ZNF506: variants seen among roughly 807,000 people sequenced by gnomAD.
ZNF506 encodes zinc finger protein 506.
A neutral mutation model predicts 11.6 loss-of-function variants in ZNF506; 10 were observed. The ratio of observed to expected loss-of-function variants is 0.86; its 90% CI spans 0.53 to 1.46. The LOEUF is 1.46. Ranked by LOEUF, ZNF506 falls within the 40% of genes most tolerant of loss-of-function variation. ZNF506 has a pLI of 0.00. For synonymous variants in ZNF506, 156 were observed against 173.3 expected (o/e 0.90, Z 0.78); for missense variants, 425 against 521.2 (o/e 0.82, Z 1.80).
At chr19:19,813,323 C>CAT (rs2062898180) in intron 1 of ZNF506, among the ~76,000 whole-genome samples, 2 of 152,034 alleles carry the variant, frequency 1.3e-5, no homozygotes, top group African/African-American at 2.4e-5. Flanking sequence ...TTTTAATGAA[C>CAT]TAGTCATAAT....
rs1270118981 is a variant in ZNF506 at position 19,794,319 on chromosome 19, A to G, written c.*233T>C. The G allele has an allele frequency of 1.8e-5, 7 of 386,048 alleles. No individual in the cohort carries two copies. The highest frequency in any genetic ancestry group is 4.3e-5 in the Admixed American group (1 of 23,520). 23.9% of individuals were successfully genotyped at this position (386,048 alleles called of 1,614,324 possible). On this transcript the variant is annotated 3_prime_UTR_variant, in exon 4 of 4. Coordinates refer to ENST00000540806, the MANE Select transcript of ZNF506 (RefSeq NM_001099269.3). Reference sequence around the variant, plus strand: ...GAGTGAAACTCCATCTCAAAAAACAAAAAGAGTTGACAGGTTGTTATAGGC... The same window carrying G: ...GAGTGAAACTCCATCTCAAAAAACAGAAAGAGTTGACAGGTTGTTATAGGC...
chr19:19,799,121 AAAC>A (rs2062769777), intron 3 of ZNF506: 1 of 215,638 alleles, frequency 4.6e-6, no homozygotes, highest in Non-Finnish European at 9.1e-6. Flanking sequence ...GAAGGACATT[AAAC>A]AATATATAGA....
chr19:19,797,873 T>C (rs1444332906), intron 3 of ZNF506: 1 of 152,156 alleles, frequency 6.6e-6, no homozygotes, highest in Non-Finnish European at 1.5e-5. Context: ...AAAAAAGATG[T>C]CAAGTGGGAA....
At chr19:19,807,510 TATTTA>T (rs1179774955) in intron 1 of ZNF506, among the ~76,000 whole-genome samples, 1 of 152,110 alleles carries the variant, frequency 6.6e-6, no homozygotes, top group African/African-American at 2.4e-5. Context: ...CTTTCTTATT[TATTTA>T]TTTATTTATA....
At chr19:19,804,784 G>T (rs1179344303) in intron 3 of ZNF506, among the ~76,000 whole-genome samples, 1 of 152,102 alleles carries the variant, frequency 6.6e-6, no homozygotes, top group Non-Finnish European at 1.5e-5. Context: ...TCCTTTGCAG[G>T]GACATGGATG....
intron 1 of ZNF506, among the ~76,000 whole-genome samples, chr19:19,816,194 T>TC (rs965729682): frequency 2.6e-5 from 4 of 151,876 alleles, no homozygotes; most frequent in African/African-American, 4.8e-5. Context: ...TCTTTTCTTT[T>TC]TTTTTTTGAG....
At chr19:19,812,550 C>T (rs2062891243) in intron 1 of ZNF506, among the ~76,000 whole-genome samples, 1 of 152,222 alleles carries the variant, frequency 6.6e-6, no homozygotes, top group Admixed American at 6.5e-5. Flanking sequence ...CATTCTATTT[C>T]CTCCTGGAGC....
chr19:19,816,907 C>A (rs978405398), intron 1 of ZNF506, among the ~76,000 whole-genome samples: 4 of 148,922 alleles, frequency 2.7e-5, no homozygotes, highest in African/African-American at 9.9e-5. Context: ...GCAACCTCCA[C>A]CTCCCAGTGG....
chr19:19,806,694 A>G (rs1269210725), intron 2 of ZNF506, among the ~76,000 whole-genome samples: 1 of 97,082 alleles, frequency 1.0e-5, no homozygotes, highest in Admixed American at 1.0e-4. Context: ...TATGCCACTA[A>G]ATTTTTGGAA....
chr19:19,792,912 C>A lies in ZNF506; in HGVS notation c.*1640G>T, dbSNP rs1286348145. ...CTTAATATAAGTTAACTACAAAGAG[C>A]CTCTCCACTTACATTTTTATCATGC... On this transcript the variant is annotated 3_prime_UTR_variant, in exon 4 of 4. Coordinates refer to ENST00000540806, the MANE Select transcript of ZNF506 (RefSeq NM_001099269.3). Among the ~76,000 whole-genome samples, 1 of 152,048 alleles carries A rather than the reference C, an allele frequency of 6.6e-6. No individual in the cohort carries two copies. The highest frequency in any genetic ancestry group is 2.4e-5 in the African/African-American group (1 of 41,342).
intron 1 of ZNF506, among the ~76,000 whole-genome samples, chr19:19,807,631 C>G (rs1488278868): frequency 1.3e-5 from 2 of 152,068 alleles, no homozygotes; most frequent in African/African-American, 4.8e-5. Context: ...CTCAGCCTCC[C>G]GAGTAGCTGG....
chr19:19,808,369 C>T (rs1382248241), intron 1 of ZNF506, among the ~76,000 whole-genome samples: 5 of 148,744 alleles, frequency 3.4e-5, no homozygotes, highest in African/African-American at 1.2e-4. Context: ...GTGATCCGCC[C>T]GCCTCGGCCT....
chr19:19,800,393 T>C (rs1467741859), intron 3 of ZNF506, among the ~76,000 whole-genome samples: 1 of 9,208 alleles, frequency 1.1e-4, no homozygotes, highest in Non-Finnish European at 2.5e-4. Context: ...CTAAACAGAA[T>C]ATATATATAT....
chr19:19,805,511 A>G (rs904762615), intron 3 of ZNF506, among the ~76,000 whole-genome samples: 2 of 152,150 alleles, frequency 1.3e-5, no homozygotes, highest in African/African-American at 4.8e-5. Flanking sequence ...CAAAGCAATC[A>G]TGAGGAAAAA....
intron 2 of ZNF506, 56 bp downstream of exon 2, chr19:19,806,886 A>G (rs1457904397): frequency 1.6e-5 from 25 of 1,561,340 alleles, no homozygotes; most frequent in Non-Finnish European, 2.2e-5. Flanking sequence ...TCTACAAAAA[A>G]GAGAAATAAA....
intron 3 of ZNF506, chr19:19,796,323 T>C (rs1158272090): frequency 1.3e-5 from 2 of 152,194 alleles, no homozygotes; most frequent in Non-Finnish European, 2.9e-5. Flanking sequence ...CCTGGTTTCT[T>C]TTTTAAAAAA....
At chr19:19,802,231 A>T (rs963047954) in intron 3 of ZNF506, among the ~76,000 whole-genome samples, 1 of 151,244 alleles carries the variant, frequency 6.6e-6, no homozygotes, top group African/African-American at 2.4e-5. Context: ...AAAATTGTCT[A>T]CGTAACTGCA....
intron 3 of ZNF506, among the ~76,000 whole-genome samples, chr19:19,800,458 C>T (rs573152334): frequency 5.3e-4 from 76 of 144,366 alleles, no homozygotes; most frequent in African/African-American, 1.7e-3. Context: ...ACTCTGTCTC[C>T]GAGGCCGGAG....
chr19:19,819,191 T>C (rs908953156), intron 1 of ZNF506, among the ~76,000 whole-genome samples: 2 of 152,146 alleles, frequency 1.3e-5, no homozygotes, highest in African/African-American at 4.8e-5. Context: ...TGGGGTCAGT[T>C]TTTTTTGTCT....
Sources: gnomAD v4.1 joint callset for allele counts (sites outside exome capture counted in the v4.1 genomes callset) on GRCh38, gnomAD v4.1.1 for gene constraint, MANE v1.5 for transcripts, NCBI Gene and HGNC (gene_info 2026-07-23, HGNC 2026-07-21) for gene names.